SEMA3A: variants seen among roughly 807,000 people sequenced by gnomAD.
The protein encoded by SEMA3A is semaphorin-3A.
A neutral mutation model predicts 97.9 loss-of-function variants in SEMA3A; 29 were observed. That is an observed-to-expected ratio of 0.30 (90% CI 0.22 to 0.40). The LOEUF is 0.40. Ranked by LOEUF, SEMA3A falls within the 10% of genes least tolerant of loss-of-function variation. The pLI, the probability that SEMA3A is intolerant of heterozygous loss-of-function variation, is 1.00. For missense variants in SEMA3A, 763 were observed against 951.3 expected (o/e 0.80, Z 2.60); for synonymous variants, 321 against 323.7 (o/e 0.99, Z 0.09).
chr7:84,353,388 G>C (rs1480319633), intron 2 of SEMA3A, among the ~76,000 whole-genome samples: 2 of 151,446 alleles, frequency 1.3e-5, no homozygotes, highest in Non-Finnish European at 3.0e-5. Flanking sequence ...TATTATAATA[G>C]GGGTGTTTTT....
intron 1 of SEMA3A, among the ~76,000 whole-genome samples, chr7:84,160,320 T>TTA (rs1402360459): frequency 1.3e-5 from 2 of 151,902 alleles, no homozygotes; most frequent in Non-Finnish European, 2.9e-5. Flanking sequence ...ATCATACCCT[T>TTA]TATATATATT....
chr7:84,385,021 A>G, intron 1 of SEMA3A, among the ~76,000 whole-genome samples: 1 of 151,910 alleles, frequency 6.6e-6, no homozygotes, highest in East Asian at 1.9e-4. Context: ...ACTTTTGATT[A>G]AGACATATAA....
At chr7:84,381,062 G>A (rs1195846649) in intron 1 of SEMA3A, among the ~76,000 whole-genome samples, 1 of 152,156 alleles carries the variant, frequency 6.6e-6, no homozygotes, top group Admixed American at 6.5e-5. Context: ...GGGAACCATC[G>A]TTATTGCCTA....
intron 2 of SEMA3A, among the ~76,000 whole-genome samples, chr7:84,357,760 A>G (rs1195208359): frequency 6.6e-6 from 1 of 151,632 alleles, no homozygotes; most frequent in Non-Finnish European, 1.5e-5. Context: ...CAACAGTGTA[A>G]AAGTGATCGT....
chr7:83,988,203 T>G (rs1789717715), intron 12 of SEMA3A, among the ~76,000 whole-genome samples: 1 of 152,006 alleles, frequency 6.6e-6, no homozygotes, highest in Non-Finnish European at 1.5e-5. Context: ...CCTAATAAGC[T>G]CTTGTGTTTT....
intron 1 of SEMA3A, among the ~76,000 whole-genome samples, chr7:84,153,881 C>A (rs1796754414): frequency 6.6e-6 from 1 of 151,986 alleles, no homozygotes; most frequent in South Asian, 2.1e-4. Flanking sequence ...AACAATTCAC[C>A]CGTTTCTTTG....
chr7:83,994,857 C>A (rs1790138849), intron 12 of SEMA3A, among the ~76,000 whole-genome samples: 2 of 152,066 alleles, frequency 1.3e-5, no homozygotes, highest in African/African-American at 4.8e-5. Context: ...GTTGGAACTT[C>A]CCGGCTGCTT....
At chr7:83,971,949 T>C (rs1358612384) in intron 15 of SEMA3A, among the ~76,000 whole-genome samples, 3 of 152,038 alleles carry the variant, frequency 2.0e-5, no homozygotes, top group African/African-American at 7.2e-5. Flanking sequence ...CCTGAATCCA[T>C]AGATTCCTGA....
At chr7:84,480,211 G>C (rs1415905493) in intron 1 of SEMA3A, among the ~76,000 whole-genome samples, 1 of 152,006 alleles carries the variant, frequency 6.6e-6, no homozygotes, top group Non-Finnish European at 1.5e-5. Flanking sequence ...TTGTTTGCTT[G>C]TTTGTTTTTT....
chr7:84,175,189 C>G (rs1004156437), intron 1 of SEMA3A, among the ~76,000 whole-genome samples: 3 of 151,982 alleles, frequency 2.0e-5, no homozygotes, highest in African/African-American at 7.3e-5. Context: ...GTTTCCTTAT[C>G]TGTAAAATGA....
intron 12 of SEMA3A, among the ~76,000 whole-genome samples, chr7:83,992,536 T>A: frequency 6.6e-6 from 1 of 152,060 alleles, no homozygotes; most frequent in East Asian, 1.9e-4. Flanking sequence ...TGTTGTTGGT[T>A]TCAAAGAACA....
At chr7:84,131,684 A>G (rs952640442) in intron 2 of SEMA3A, among the ~76,000 whole-genome samples, 1 of 152,240 alleles carries the variant, frequency 6.6e-6, no homozygotes, top group African/African-American at 2.4e-5. Flanking sequence ...GTTCATCACA[A>G]TAGGCGCTTA....
chr7:84,116,622 A>T (rs1053306285), intron 3 of SEMA3A, among the ~76,000 whole-genome samples: 1 of 152,146 alleles, frequency 6.6e-6, no homozygotes, highest in African/African-American at 2.4e-5. Flanking sequence ...TGAGGCCCTT[A>T]GTCTAGACCC....
intron 4 of SEMA3A, among the ~76,000 whole-genome samples, chr7:84,063,456 C>T (rs370849114): frequency 3.4e-3 from 417 of 121,772 alleles, no homozygotes; most frequent in South Asian, 6.9e-3. Context: ...AGGCTTCAGA[C>T]GATCAAATTA....
At chr7:84,454,766 G>A (rs1261453794) in intron 1 of SEMA3A, among the ~76,000 whole-genome samples, 4 of 139,138 alleles carry the variant, frequency 2.9e-5, no homozygotes. Flanking sequence ...CCATCTGGTG[G>A]CAAGATCAAA....
chr7:84,195,033 A>ATT (rs1445347610), upstream of SEMA3A: 3 of 151,934 alleles, frequency 2.0e-5, no homozygotes, highest in African/African-American at 7.3e-5. Flanking sequence ...AAAGAGAGAG[A>ATT]GAGAGAGAGA....
At chr7:84,399,792 T>C (rs1020558246) in intron 1 of SEMA3A, among the ~76,000 whole-genome samples, 1 of 152,166 alleles carries the variant, frequency 6.6e-6, no homozygotes. Context: ...ATAGCAGCCA[T>C]GGGCCTTTGG....
At chr7:84,174,892 A>T (rs1029577499) in intron 1 of SEMA3A, among the ~76,000 whole-genome samples, 2 of 152,234 alleles carry the variant, frequency 1.3e-5, no homozygotes, top group Non-Finnish European at 2.9e-5. Context: ...TGGAAACATA[A>T]TATTTTCTAA....
intron 2 of SEMA3A, among the ~76,000 whole-genome samples, chr7:84,131,101 T>TTAA (rs376885803): frequency 3.3e-5 from 5 of 151,328 alleles, no homozygotes; most frequent in South Asian, 2.1e-4. Flanking sequence ...AGTTCCAGGG[T>TTAA]TAATAATAAT....
Sources: allele counts gnomAD v4.1 joint callset (sites outside exome capture counted in the v4.1 genomes callset), GRCh38; gene constraint gnomAD v4.1.1; transcripts MANE v1.5; gene names NCBI Gene and HGNC (gene_info 2026-07-23, HGNC 2026-07-21).